Variants in SRSF11 observed in about 807,000 individuals in gnomAD.
The protein encoded by SRSF11 is serine and arginine rich splicing factor 11, also known as serine/arginine-rich splicing factor 11.
SRSF11 carries 9 observed loss-of-function variants against 56.0 expected under a neutral mutation model. The observed-to-expected ratio is 0.16, with a 90% CI of 0.10 to 0.28. The LOEUF (loss-of-function observed/expected upper bound fraction) is 0.28, where lower values mean the gene tolerates loss of function less well. Ranked by LOEUF, SRSF11 falls within the 10% of genes least tolerant of loss-of-function variation. The probability of loss-of-function intolerance (pLI) is 1.00; values close to 1 mark genes in which losing one functional copy is unlikely to be tolerated. For missense variants in SRSF11, 421 were observed against 600.7 expected (o/e 0.70, Z 3.13); for synonymous variants, 222 against 215.3 (o/e 1.03, Z -0.27).
At chr1:70,223,402 A>G (rs1180784902) in intron 1 of SRSF11, among the ~76,000 whole-genome samples, 1 of 152,206 alleles carries the variant, frequency 6.6e-6, no homozygotes, top group Non-Finnish European at 1.5e-5. Context: ...CTAATGCATG[A>G]CCAGTATACT....
At chr1:70,239,390 C>T (rs757637107) in intron 6 of SRSF11, 49 bp from the exon 7 acceptor site, 3 of 1,349,446 alleles carry the variant, frequency 2.2e-6, no homozygotes, top group Non-Finnish European at 3.1e-6. Flanking sequence ...CTGCGTCTGG[C>T]CCCTATTTAA....
At chr1:70,242,044 C>T (rs1330874112) in intron 7 of SRSF11, among the ~76,000 whole-genome samples, 2 of 152,114 alleles carry the variant, frequency 1.3e-5, no homozygotes, top group East Asian at 3.9e-4. Flanking sequence ...GCGCGCGCAG[C>T]TGTAATCCCA....
In SRSF11 at chr1:70,246,543, C is replaced by CA. The variant is rs1478442854; in HGVS notation, c.933-273dup. 3.3e-5 allele frequency among the ~76,000 whole-genome samples: 5 copies of CA among 152,098 alleles called. No individual in the cohort carries two copies. The East Asian group carries it at 9.7e-4, about 29-fold the overall frequency. On this transcript the variant is annotated intron_variant, in intron 8 of 11. Coordinates refer to ENST00000370949, the MANE Select transcript of SRSF11 (RefSeq NM_001350605.2). ...AGATAGTTAACTTATTGGTGTTTAC[C>CA]AAGTATATTTCAAGCCAACATCCTA...
upstream of SRSF11, among the ~76,000 whole-genome samples, chr1:70,217,769 A>G (rs972042219): frequency 2.8e-4 from 42 of 152,352 alleles, no homozygotes; most frequent in African/African-American, 1.0e-3. Flanking sequence ...TTGCTTTAAT[A>G]TATCTGTCAT....
At chr1:70,231,249 ATAC>A (rs1391872486) in intron 2 of SRSF11, 23 of 1,205,706 alleles carry the variant, frequency 1.9e-5, no homozygotes, top group Non-Finnish European at 2.4e-5. Flanking sequence ...TATTACAGAA[ATAC>A]TACTGGTATT....
At chr1:70,230,607 G>T in intron 2 of SRSF11, 1 of 1,285,316 alleles carries the variant, frequency 7.8e-7, no homozygotes, top group South Asian at 1.3e-5. Flanking sequence ...CTTGACGCAT[G>T]AAAATTAACT....
intron 1 of SRSF11, among the ~76,000 whole-genome samples, chr1:70,226,229 T>C (rs922696783): frequency 6.6e-6 from 1 of 151,980 alleles, no homozygotes; most frequent in South Asian, 2.1e-4. Context: ...ATGTTAAGAA[T>C]GTAATTGTGG....
intron 2 of SRSF11, chr1:70,229,518 T>G: frequency 1.0e-6 from 1 of 985,174 alleles, no homozygotes; most frequent in Non-Finnish European, 1.2e-6. Flanking sequence ...TACTGCTACT[T>G]GATTTGCATT....
Position 70,250,742 on chromosome 1 carries a change from A to T in SRSF11, c.1392A>T (p.Ser464=). 1 of 1,614,066 alleles carries T rather than the reference A, an allele frequency of 6.2e-7. No individual in the cohort carries two copies. The highest frequency in any genetic ancestry group is 8.5e-7 in the Non-Finnish European group (1 of 1,179,966). ...CTGTGGAAAAGGGAACTGGTGATTC[A>T]CTAAGAGAATCCAAAGTGAATGGGG... ...ECSVEKGTGD[S]LRESKVNGDD... Residue 464 remains serine (S), a synonymous_variant, in exon 12 of 12, where the codon TCA becomes TCT. Transcript: ENST00000370949.
rs1670659728 is a variant in SRSF11 at position 70,221,695 on chromosome 1, G to T, written c.59G>T (p.Gly20Val). 2 of 1,612,718 alleles carry T rather than the reference G, an allele frequency of 1.2e-6. No homozygotes were observed. The highest frequency in any genetic ancestry group is 1.7e-5 in the Admixed American group (1 of 59,912). The stretch of plus-strand genomic sequence containing the variant: ...GGTCCGGGCCCCAGCGGCGGGCCCG[G>T]TGGCGGAGGTGGTGGTGGCGGCGGA... ...TAGPGPSGGP[G>V]GGGGGGGGGG... Residue 20 changes from glycine to valine, a missense_variant, in exon 1 of 12, where the codon GGT becomes GTT. Around this residue, in one of 2 missense-constraint regions of SRSF11, gnomAD observed 168 missense variants for 294.9 expected, o/e 0.57. Coordinates refer to ENST00000370949, the MANE Select transcript of SRSF11 (RefSeq NM_001350605.2).
rs72929214 is a variant in SRSF11 at position 70,210,274 on chromosome 1, A to C, written c.-26+4494A>C. Reference sequence around the variant, plus strand: ...ATCCTTCTGCCTCAACCTCCTCCCCATGCCCCCCAGTAGCTGCGACTGTAG... The same window carrying C: ...ATCCTTCTGCCTCAACCTCCTCCCCCTGCCCCCCAGTAGCTGCGACTGTAG... On this transcript the variant is annotated intron_variant, in intron 1 of 12. Coordinates refer to the SRSF11 transcript ENST00000370950. Among the ~76,000 whole-genome samples, 364 of 151,388 alleles carry C rather than the reference A, an allele frequency of 2.4e-3. 1 individual carries two copies. The highest frequency in any genetic ancestry group is 4.0e-3 in the Non-Finnish European group (269 of 67,844).
intron 8 of SRSF11, among the ~76,000 whole-genome samples, chr1:70,245,925 G>T (rs1230875869): frequency 6.6e-6 from 1 of 152,120 alleles, no homozygotes; most frequent in East Asian, 1.9e-4. Flanking sequence ...GCATGACTGG[G>T]ACCTACTAGG....
At chr1:70,225,123 C>A (rs996074940) in intron 1 of SRSF11, among the ~76,000 whole-genome samples, 1 of 152,146 alleles carries the variant, frequency 6.6e-6, no homozygotes. Flanking sequence ...CACATGCTTT[C>A]TTTTAGTGGG....
In SRSF11 at chr1:70,250,812, C is replaced by G; in HGVS notation, c.*7C>G. On this transcript the variant is annotated 3_prime_UTR_variant, in exon 12 of 12. Coordinates refer to ENST00000370949, the MANE Select transcript of SRSF11 (RefSeq NM_001350605.2). The stretch of plus-strand genomic sequence containing the variant: ...CATGGATATGAGTGACTGAATATTG[C>G]CTCTGAGGGAGTCCAACTGTATACC... 6.2e-7 allele frequency: 1 copy of G among 1,611,874 alleles called. No individual in the cohort carries two copies. The highest frequency in any genetic ancestry group is 2.2e-5 in the East Asian group (1 of 44,834).
At chr1:70,235,359 C>G in intron 4 of SRSF11, 142 bp from the exon 5 acceptor site, 1 of 659,390 alleles carries the variant, frequency 1.5e-6, no homozygotes, top group South Asian at 2.3e-5. Flanking sequence ...TTTGTTTTTT[C>G]TTTTTTAATG....
chr1:70,217,911 T>C (rs765268864), upstream of SRSF11, among the ~76,000 whole-genome samples: 24 of 152,230 alleles, frequency 1.6e-4, no homozygotes, highest in Non-Finnish European at 2.9e-4. Context: ...CACAGGTTCT[T>C]AGAAGTGAAG....
At chr1:70,222,174 T>A (rs1452914060) in intron 1 of SRSF11, among the ~76,000 whole-genome samples, 1 of 152,186 alleles carries the variant, frequency 6.6e-6, no homozygotes, top group East Asian at 1.9e-4. Context: ...ATCCCTTTTT[T>A]AAAAAACTGA....
chr1:70,232,084 A>G, intron 2 of SRSF11, 184 bp from the exon 3 acceptor site: 1 of 1,541,900 alleles, frequency 6.5e-7, no homozygotes, highest in Non-Finnish European at 8.8e-7. Context: ...ATTTTCACAC[A>G]TTGAAGTTCA....
At chr1:70,236,492 G>C (rs748701300) in intron 5 of SRSF11, among the ~76,000 whole-genome samples, 1 of 151,692 alleles carries the variant, frequency 6.6e-6, no homozygotes, top group Non-Finnish European at 1.5e-5. Flanking sequence ...CACCACATCC[G>C]GCTAATTTTT....
Sources: allele counts gnomAD v4.1 joint callset (sites outside exome capture counted in the v4.1 genomes callset), GRCh38; gene constraint gnomAD v4.1.1; regional missense constraint gnomAD v4.1.1; transcripts MANE v1.5; gene names NCBI Gene and HGNC (gene_info 2026-07-23, HGNC 2026-07-21).